ZFPM2: variants seen among roughly 807,000 people sequenced by gnomAD.
The protein encoded by ZFPM2 is zinc finger protein, FOG family member 2.
Under a neutral mutation model 98.6 loss-of-function variants are expected in ZFPM2, and 20 were observed. The ratio of observed to expected loss-of-function variants is 0.20; its 90% confidence interval spans 0.14 to 0.29. The LOEUF (loss-of-function observed/expected upper bound fraction) is 0.29, where lower values mean the gene tolerates loss of function less well. Among genes scored for constraint, ZFPM2 ranks in the 10% least tolerant of loss-of-function variants. The pLI, the probability that ZFPM2 is intolerant of heterozygous loss-of-function variation, is 1.00. For synonymous variants in ZFPM2, 518 were observed against 502.7 expected, an observed-to-expected ratio of 1.03 and a Z score of -0.41; for missense variants, 1,310 against 1,388.6, an observed-to-expected ratio of 0.94 and a Z score of 0.90.
chr8:105,319,787 G>C (rs181735759), intron 1 of ZFPM2: 3 of 152,208 alleles, frequency 2.0e-5, no homozygotes, highest in East Asian at 3.9e-4. Flanking sequence ...GCAGGGGAGT[G>C]CATGGCCCTG....
chr8:105,711,888 G>A (rs547740026), intron 5 of ZFPM2, among the ~76,000 whole-genome samples: 5 of 152,054 alleles, frequency 3.3e-5, no homozygotes, highest in African/African-American at 1.2e-4. Context: ...TTTATTATGA[G>A]GCTTCTTTCT....
chr8:105,757,302 G>A (rs1178899883), intron 5 of ZFPM2, among the ~76,000 whole-genome samples: 1 of 152,064 alleles, frequency 6.6e-6, no homozygotes, highest in Non-Finnish European at 1.5e-5. Context: ...AGATAACTCT[G>A]TAATGACCAA....
chr8:105,525,427 G>A (rs1456407205), intron 3 of ZFPM2, among the ~76,000 whole-genome samples: 1 of 152,174 alleles, frequency 6.6e-6, no homozygotes, highest in Non-Finnish European at 1.5e-5. Context: ...GTCACCTGAT[G>A]AATATGTCAT....
intron 5 of ZFPM2, among the ~76,000 whole-genome samples, chr8:105,697,145 G>A (rs980881156): frequency 6.6e-6 from 1 of 152,138 alleles, no homozygotes; most frequent in African/African-American, 2.4e-5. Flanking sequence ...TTTAAAAGAT[G>A]CAGTCTTACT....
At chr8:105,608,816 C>T (rs757639580) in intron 4 of ZFPM2, among the ~76,000 whole-genome samples, 12 of 151,800 alleles carry the variant, frequency 7.9e-5, no homozygotes, top group Non-Finnish European at 1.6e-4. Context: ...GCTAGTGGTG[C>T]TGTTTCTTTG....
intron 1 of ZFPM2, among the ~76,000 whole-genome samples, chr8:105,399,626 C>T (rs1811294551): frequency 6.6e-6 from 1 of 152,016 alleles, no homozygotes; most frequent in African/African-American, 2.4e-5. Flanking sequence ...AGGAGGTGCC[C>T]CAAAATATTT....
chr8:105,492,762 T>G (rs1272921749), intron 3 of ZFPM2, among the ~76,000 whole-genome samples: 1 of 152,200 alleles, frequency 6.6e-6, no homozygotes, highest in African/African-American at 2.4e-5. Flanking sequence ...TTAGTAATGA[T>G]TATAATTAGA....
intron 1 of ZFPM2, among the ~76,000 whole-genome samples, chr8:105,329,514 T>C (rs1812172758): frequency 6.6e-6 from 1 of 151,876 alleles, no homozygotes; most frequent in South Asian, 2.1e-4. Context: ...TATTATACTT[T>C]GCAATATATA....
At chr8:105,660,611 CTATA>C (rs1390509098) in intron 5 of ZFPM2, among the ~76,000 whole-genome samples, 1 of 152,150 alleles carries the variant, frequency 6.6e-6, no homozygotes, top group Non-Finnish European at 1.5e-5. Flanking sequence ...ATATCTATCT[CTATA>C]TACACACATA....
intron 4 of ZFPM2, among the ~76,000 whole-genome samples, chr8:105,572,418 CT>C (rs373306280): frequency 4.5e-4 from 69 of 152,166 alleles, no homozygotes; most frequent in African/African-American, 1.7e-3. Flanking sequence ...TTGAGAAACT[CT>C]CTTGGAGATT....
Position 105,721,048 on chromosome 8 carries a change from G to A in ZFPM2, c.533-67670G>A, listed in dbSNP as rs574318807. 2.0e-3 allele frequency among the ~76,000 whole-genome samples: 311 copies of A among 151,916 alleles called. 3 individuals are homozygous for A. In the South Asian group the frequency reaches 0.026, roughly 12 times the overall value. ...CATTCCTTTTTAGCGACCCATGCAG[G>A]CAAAACCCTGAACGTCTTCATTTAT... On this transcript the variant is annotated intron_variant, in intron 5 of 7. Coordinates refer to ENST00000407775, the MANE Select transcript of ZFPM2 (RefSeq NM_012082.4).
At chr8:105,403,946 T>A (rs767869338) in intron 1 of ZFPM2, among the ~76,000 whole-genome samples, 6 of 151,802 alleles carry the variant, frequency 4.0e-5, no homozygotes, top group Non-Finnish European at 8.8e-5. Flanking sequence ...TGCCATATAC[T>A]TGGAGGGCTA....
intron 4 of ZFPM2, among the ~76,000 whole-genome samples, chr8:105,587,191 G>C (rs868383339): frequency 6.6e-6 from 1 of 150,874 alleles, no homozygotes; most frequent in Non-Finnish European, 1.5e-5. Flanking sequence ...GCAGGAGAAT[G>C]GCATGAACCC....
chr8:105,727,954 TA>T (rs547786397), intron 5 of ZFPM2, among the ~76,000 whole-genome samples: 8,567 of 137,294 alleles, frequency 0.062, 793 homozygotes, highest in African/African-American at 0.21. Flanking sequence ...ATAGTATGAT[TA>T]AAAAAAAAAA....
intron 5 of ZFPM2, among the ~76,000 whole-genome samples, chr8:105,710,385 C>G (rs1431469048): frequency 3.9e-5 from 6 of 151,990 alleles, no homozygotes; most frequent in African/African-American, 4.8e-5. Context: ...CCCATTGGCT[C>G]TTAATAAGCA....
chr8:105,630,461 T>C (rs371347706), intron 4 of ZFPM2, among the ~76,000 whole-genome samples: 1 of 152,202 alleles, frequency 6.6e-6, no homozygotes, highest in African/African-American at 2.4e-5. Context: ...ATTTTTTATC[T>C]ACTTATTATT....
intron 4 of ZFPM2, among the ~76,000 whole-genome samples, chr8:105,606,022 C>T (rs372283531): frequency 6.6e-6 from 1 of 152,104 alleles, no homozygotes; most frequent in African/African-American, 2.4e-5. Context: ...GTTTTAAACA[C>T]TGACAGTTTT....
At chr8:105,458,326 C>A (rs958120796) in intron 3 of ZFPM2, among the ~76,000 whole-genome samples, 2 of 151,938 alleles carry the variant, frequency 1.3e-5, no homozygotes, top group Non-Finnish European at 2.9e-5. Context: ...CACAAAGAAT[C>A]AAAGATTCCT....
chr8:105,795,922 A>G (rs1326384434), intron 6 of ZFPM2: 7 of 289,228 alleles, frequency 2.4e-5, no homozygotes, highest in Middle Eastern at 4.7e-4. Context: ...GCATCTAATC[A>G]AAAATATACT....
Sources: gnomAD v4.1 joint callset for allele counts (sites outside exome capture counted in the v4.1 genomes callset) on GRCh38, gnomAD v4.1.1 for gene constraint, MANE v1.5 for transcripts, NCBI Gene and HGNC (gene_info 2026-07-23, HGNC 2026-07-21) for gene names.